The following DAG1 variants were observed in gnomAD, a reference collection of about 807,000 sequenced individuals.
DAG1 encodes dystroglycan 1, also known as dystroglycan 1 (dystrophin-associated glycoprotein 1).
DAG1 carries 8 observed loss-of-function variants against 46.1 expected under a neutral mutation model. The ratio of observed to expected loss-of-function variants is 0.17; its 90% CI spans 0.10 to 0.31. The LOEUF (loss-of-function observed/expected upper bound fraction) is 0.31, where lower values mean the gene tolerates loss of function less well. DAG1 is among the 10% of genes least tolerant of loss of function. The pLI, the probability that DAG1 is intolerant of heterozygous loss-of-function variation, is 1.00. For missense variants in DAG1, 1,003 were observed against 1,189.9 expected (o/e 0.84, Z 2.31); for synonymous variants, 495 against 481.8 (o/e 1.03, Z -0.36).
rs747305463 is a variant in DAG1 at position 49,530,786 on chromosome 3, GT to G, written c.286-10del. 5.9e-4 allele frequency: 946 copies of G among 1,614,186 alleles called. 10 individuals are homozygous for G. The South Asian group carries it at 6.3e-3, about 11-fold the overall frequency. ...AATAGTATTTTTAATTTATGCTTGT[GT>G]CTCTTCTAGGTATCAGCGGCAGGGA... is the stretch of plus-strand genomic sequence containing the variant. On this transcript the variant is annotated splice_polypyrimidine_tract_variant and intron_variant, in intron 2 of 2. Coordinates refer to ENST00000308775, the MANE Select transcript of DAG1 (RefSeq NM_004393.6).
chr3:49,513,216 C>T (rs1264998563), intron 2 of DAG1, among the ~76,000 whole-genome samples: 1 of 152,138 alleles, frequency 6.6e-6, no homozygotes, highest in Non-Finnish European at 1.5e-5. Flanking sequence ...TTGATGCTGC[C>T]TGTTGACAGG....
At chr3:49,482,273 A>G (rs2049907517) in intron 1 of DAG1, among the ~76,000 whole-genome samples, 1 of 152,150 alleles carries the variant, frequency 6.6e-6, no homozygotes, top group African/African-American at 2.4e-5. Flanking sequence ...ATAGTCTGAA[A>G]TATAGCCTCG....
intron 1 of DAG1, among the ~76,000 whole-genome samples, chr3:49,471,281 A>G (rs1376097562): frequency 1.3e-5 from 2 of 152,202 alleles, no homozygotes; most frequent in Admixed American, 6.6e-5. Flanking sequence ...GACTCCTGGC[A>G]TAGAAGCCAG....
chr3:49,482,408 C>A (rs1254409370), intron 1 of DAG1, among the ~76,000 whole-genome samples: 1 of 152,152 alleles, frequency 6.6e-6, no homozygotes, highest in East Asian at 1.9e-4. Flanking sequence ...CTCCTGCCTG[C>A]CCTTGGGAAC....
chr3:49,528,473 C>T (rs1269809271), intron 2 of DAG1, among the ~76,000 whole-genome samples: 4 of 151,284 alleles, frequency 2.6e-5, no homozygotes, highest in African/African-American at 9.7e-5. Flanking sequence ...TTAGTAGAGA[C>T]GGGATTTTGC....
chr3:49,477,096 C>A (rs1293896496), intron 1 of DAG1, among the ~76,000 whole-genome samples: 1 of 151,998 alleles, frequency 6.6e-6, no homozygotes, highest in African/African-American at 2.4e-5. Flanking sequence ...CTCCCGGGTT[C>A]AAGCAATTCT....
At chr3:49,490,083 G>A (rs991125208) in intron 1 of DAG1, among the ~76,000 whole-genome samples, 2 of 152,274 alleles carry the variant, frequency 1.3e-5, no homozygotes, top group Admixed American at 1.3e-4. Context: ...GCTGGGCGCG[G>A]TGGCTTACGC....
At chr3:49,516,999 TTTTTTTTTA>T (rs2050915168) in intron 2 of DAG1, among the ~76,000 whole-genome samples, 1 of 32,098 alleles carries the variant, frequency 3.1e-5, no homozygotes, top group Non-Finnish European at 8.5e-5. Context: ...TTTTTTTTTT[TTTTTTTTTA>T]ATTGAGACGG....
chr3:49,512,197 A>T (rs1475986565), intron 2 of DAG1, among the ~76,000 whole-genome samples: 1 of 151,428 alleles, frequency 6.6e-6, no homozygotes, highest in Non-Finnish European at 1.5e-5. Context: ...ACACCCAGCT[A>T]ATTTATTTAT....
chr3:49,531,594 T>C lies in DAG1; in HGVS notation c.1083T>C (p.Pro361=), dbSNP rs2051348323. The C allele has an allele frequency of 1.9e-6, 3 of 1,612,896 alleles. No homozygotes were observed. In the East Asian group the frequency reaches 6.7e-5, roughly 36 times the overall value. Residue 361 remains proline (P), a synonymous_variant, in exon 3 of 3, where the codon CCT becomes CCC. Transcript: ENST00000308775. This position sits in a 1 kb window ranked among gnomAD's most constrained non-coding sequence, Gnocchi z 7.0. ...CCATGGCTCCTCCAGTCAGGGATCC[T>C]GTTCCTGGGAAACCCACGGTCACCA... ...TETMAPPVRD[P]VPGKPTVTIR...
In DAG1 at chr3:49,531,889, C is replaced by T; in HGVS notation, c.1378C>T (p.Pro460Ser). ...TKKPRTPRPVPRVTTKVSITR... is the reference protein window; with the variant it reads ...TKKPRTPRPVSRVTTKVSITR... ...GAAACCACGGACACCCCGGCCAGTGCCCCGGGTCACCACCAAAGTTTCCAT... is the reference window on the plus strand; with the variant it reads ...GAAACCACGGACACCCCGGCCAGTGTCCCGGGTCACCACCAAAGTTTCCAT... The change falls in exon 3 of 3, where the codon CCC (proline) becomes TCC (serine). Residue 460 changes from proline to serine, a missense_variant. Physicochemically the swap from Pro to Ser is moderately conservative, Grantham distance 74. Transcript: ENST00000308775. The surrounding 1 kb of genome is among the most constrained non-coding windows in gnomAD (Gnocchi z 7.0). The T allele has an allele frequency of 6.2e-7, 1 of 1,614,134 alleles. No homozygotes were observed. The highest frequency in any genetic ancestry group is 8.5e-7 in the Non-Finnish European group (1 of 1,180,034).
Position 49,531,796 on chromosome 3 carries a change from G to A in DAG1, c.1285G>A (p.Val429Ile). ...PPTTTTKKPR[V>I]STPKPATPST... Reference sequence around the variant, plus strand: ...CACAACCACCACCAAGAAGCCACGAGTATCCACACCAAAACCAGCAACGCC... The same window carrying A: ...CACAACCACCACCAAGAAGCCACGAATATCCACACCAAAACCAGCAACGCC... Residue 429 changes from valine (V) to isoleucine (I), a missense_variant, in exon 3 of 3, where the codon GTA (valine) becomes ATA (isoleucine). Transcript: ENST00000308775. This position sits in a 1 kb window ranked among gnomAD's most constrained non-coding sequence, Gnocchi z 7.0. 6.2e-7 allele frequency: 1 copy of A among 1,613,378 alleles called. No homozygotes were observed.
intron 1 of DAG1, among the ~76,000 whole-genome samples, chr3:49,481,191 C>T (rs969479757): frequency 6.8e-6 from 1 of 147,236 alleles, no homozygotes; most frequent in Non-Finnish European, 1.5e-5. Flanking sequence ...AGATGGAGAC[C>T]GTCCTGGCTA....
At chr3:49,476,066 TGA>T (rs920430839) in intron 1 of DAG1, among the ~76,000 whole-genome samples, 11 of 152,028 alleles carry the variant, frequency 7.2e-5, no homozygotes, top group African/African-American at 2.7e-4. Context: ...GAAAGATGGA[TGA>T]GATGCATTAG....
intron 1 of DAG1, among the ~76,000 whole-genome samples, chr3:49,506,493 T>G (rs2050610508): frequency 6.6e-6 from 1 of 151,988 alleles, no homozygotes; most frequent in African/African-American, 2.4e-5. Context: ...TGTCTGAGAG[T>G]TTTTTTATTA....
chr3:49,511,979 A>G (rs1178539071), intron 2 of DAG1, among the ~76,000 whole-genome samples: 1 of 152,216 alleles, frequency 6.6e-6, no homozygotes, highest in African/African-American at 2.4e-5. Flanking sequence ...TTATAGTCCC[A>G]TTCTGACTTG....
At chr3:49,499,424 T>TA (rs955948038) in intron 1 of DAG1, among the ~76,000 whole-genome samples, 5 of 152,260 alleles carry the variant, frequency 3.3e-5, no homozygotes, top group Non-Finnish European at 7.3e-5. Context: ...CAGAGGTACT[T>TA]AAAAATATAT....
At chr3:49,470,668 C>G (rs1405759952) in intron 1 of DAG1, 1 of 152,214 alleles carries the variant, frequency 6.6e-6, no homozygotes, top group East Asian at 1.9e-4. Context: ...CCGGGCCGCG[C>G]GCCGCGGCGA....
intron 2 of DAG1, among the ~76,000 whole-genome samples, chr3:49,514,894 C>G (rs2050858081): frequency 6.6e-6 from 1 of 151,098 alleles, no homozygotes; most frequent in Non-Finnish European, 1.5e-5. Flanking sequence ...GAATCTTGCT[C>G]TTTCGTCCAG....
Sources: gnomAD v4.1 joint callset for allele counts (sites outside exome capture counted in the v4.1 genomes callset) on GRCh38, gnomAD v4.1.1 for gene constraint, Gnocchi (gnomAD v3.1) non-coding constraint, MANE v1.5 for transcripts, NCBI Gene and HGNC (gene_info 2026-07-23, HGNC 2026-07-21) for gene names.